The following CDH2 variants were observed in gnomAD, a reference collection of about 807,000 sequenced individuals.
CDH2 encodes the protein cadherin-2.
Under a neutral mutation model 92.0 loss-of-function variants are expected in CDH2, and 17 were observed. The observed-to-expected ratio is 0.18, with a 90% confidence interval of 0.13 to 0.28. The LOEUF is 0.28. CDH2 is among the 10% of genes least tolerant of loss of function. The probability of loss-of-function intolerance (pLI) is 1.00; values close to 1 mark genes in which losing one functional copy is unlikely to be tolerated. For missense variants in CDH2, 862 were observed against 1,133.1 expected (o/e 0.76, Z 3.44); for synonymous variants, 419 against 415.9 (o/e 1.01, Z -0.09).
At chr18:28,158,623 G>A (rs112772443) in intron 1 of CDH2, among the ~76,000 whole-genome samples, 14 of 152,276 alleles carry the variant, frequency 9.2e-5, no homozygotes, top group African/African-American at 2.9e-4. Flanking sequence ...AGTATGGTCC[G>A]AGGAGTGGAC....
At chr18:28,166,404 G>C (rs1187541085) in intron 1 of CDH2, among the ~76,000 whole-genome samples, 2 of 151,764 alleles carry the variant, frequency 1.3e-5, no homozygotes, top group Middle Eastern at 3.4e-3. Context: ...CTCAAATAAA[G>C]AGAAGGATCA....
At chr18:27,972,232 C>A (rs2011683035) in intron 14 of CDH2, among the ~76,000 whole-genome samples, 1 of 152,132 alleles carries the variant, frequency 6.6e-6, no homozygotes, top group East Asian at 1.9e-4. Context: ...AAAATGGGTC[C>A]AATTCTGCAA....
At chr18:27,950,876 A>G (rs575412983), downstream of CDH2, 1 of 152,496 alleles carries the variant, frequency 6.6e-6, no homozygotes, top group South Asian at 2.1e-4. Flanking sequence ...AAGAACAAAT[A>G]CATACTTTTT....
At chr18:28,074,785 G>A (rs1288601653) in intron 2 of CDH2, among the ~76,000 whole-genome samples, 2 of 149,862 alleles carry the variant, frequency 1.3e-5, no homozygotes, top group East Asian at 2.0e-4. Context: ...AAATTATGGG[G>A]TTCAGCCTAA....
chr18:28,045,130 T>C (rs151307624), intron 2 of CDH2, among the ~76,000 whole-genome samples: 1 of 152,200 alleles, frequency 6.6e-6, no homozygotes, highest in Non-Finnish European at 1.5e-5. Flanking sequence ...CCGTTAAGTA[T>C]GATAATCTTA....
Position 28,011,999 on chromosome 18 carries a change from A to G in CDH2, c.400-7T>C, listed in dbSNP as rs200350355. ...CTTCAACTTCTGCTGACTCCTTTAC[A>G]TTAAAATAGAAGACATTCCTGAGTA... is the stretch of plus-strand genomic sequence containing the variant. On this transcript the variant is annotated splice_polypyrimidine_tract_variant and splice_region_variant and intron_variant, in intron 3 of 15. Transcript: ENST00000269141. The G allele has an allele frequency of 1.3e-4, 213 of 1,611,470 alleles. 1 individual carries two copies. In the African/African-American group the frequency reaches 2.2e-3, roughly 16 times the overall value.
intron 2 of CDH2, among the ~76,000 whole-genome samples, chr18:28,077,890 CAAAAAAAAAAAAA>C (rs71171659): frequency 3.0e-5 from 2 of 67,314 alleles, no homozygotes; most frequent in Non-Finnish European, 5.3e-5. Context: ...GACCCTGTCT[CAAAAAAAAAAAAA>C]AAAAAAAAAA....
chr18:28,081,652 C>T (rs900663354), intron 2 of CDH2, among the ~76,000 whole-genome samples: 4 of 152,122 alleles, frequency 2.6e-5, no homozygotes, highest in African/African-American at 4.8e-5. Context: ...TGTAACAATG[C>T]TTGATGGATA....
chr18:28,091,711 T>C (rs1304323044), intron 2 of CDH2, among the ~76,000 whole-genome samples: 1 of 152,212 alleles, frequency 6.6e-6, no homozygotes, highest in African/African-American at 2.4e-5. Flanking sequence ...ATAGGAGTTA[T>C]TTGAAAATGA....
intron 2 of CDH2, among the ~76,000 whole-genome samples, chr18:28,024,980 A>C (rs2144067415): frequency 6.6e-6 from 1 of 152,306 alleles, no homozygotes; most frequent in South Asian, 2.1e-4. Flanking sequence ...TAAATGATAA[A>C]ATTTATATAA....
intron 2 of CDH2, among the ~76,000 whole-genome samples, chr18:28,095,912 A>C (rs1599097422): frequency 6.6e-6 from 1 of 152,260 alleles, no homozygotes; most frequent in East Asian, 1.9e-4. Context: ...CAACACAGAA[A>C]GGGCCTGAAA....
chr18:28,111,995 C>G (rs2015420863), intron 2 of CDH2, among the ~76,000 whole-genome samples: 3 of 152,186 alleles, frequency 2.0e-5, no homozygotes, highest in Admixed American at 6.5e-5. Context: ...ACATATTCTT[C>G]TATCTACAAA....
chr18:28,123,733 A>C (rs1355668023), intron 2 of CDH2, among the ~76,000 whole-genome samples: 1 of 152,122 alleles, frequency 6.6e-6, no homozygotes, highest in African/African-American at 2.4e-5. Context: ...ATCTCACTAA[A>C]TAAAGGGTTC....
chr18:28,012,344 G>C (rs2013124959), intron 3 of CDH2, among the ~76,000 whole-genome samples: 1 of 152,126 alleles, frequency 6.6e-6, no homozygotes, highest in Non-Finnish European at 1.5e-5. Context: ...TTCAGGTAAT[G>C]TGCTACTGTA....
chr18:28,040,786 C>T (rs114534675), intron 2 of CDH2, among the ~76,000 whole-genome samples: 13 of 152,310 alleles, frequency 8.5e-5, no homozygotes, highest in Non-Finnish European at 1.5e-4. Context: ...TGGAGACTCA[C>T]AGTGTAGTGA....
chr18:28,121,755 T>C (rs897815610), intron 2 of CDH2, among the ~76,000 whole-genome samples: 3 of 152,028 alleles, frequency 2.0e-5, no homozygotes, highest in Non-Finnish European at 1.5e-5. Flanking sequence ...CGATAGATGA[T>C]AAAAGTCTGA....
At chr18:28,064,545 G>C (rs973236985) in intron 2 of CDH2, among the ~76,000 whole-genome samples, 1 of 150,878 alleles carries the variant, frequency 6.6e-6, no homozygotes, top group Non-Finnish European at 1.5e-5. Flanking sequence ...GGCAAAATAA[G>C]AAAAAATAAA....
chr18:28,171,702 G>A (rs12605662), intron 1 of CDH2, among the ~76,000 whole-genome samples: 74,004 of 152,002 alleles, frequency 0.49, 19,846 homozygotes, highest in Middle Eastern at 0.73. Flanking sequence ...CACAACCTTC[G>A]AAAAGGAGAT....
At chr18:27,949,432 G>A (rs2143845604), downstream of CDH2, among the ~76,000 whole-genome samples, 1 of 151,686 alleles carries the variant, frequency 6.6e-6, no homozygotes, top group South Asian at 2.1e-4. Context: ...GTTTTTAATA[G>A]CAAAAAAATT....
Sources: allele counts gnomAD v4.1 joint callset (sites outside exome capture counted in the v4.1 genomes callset), GRCh38; gene constraint gnomAD v4.1.1; transcripts MANE v1.5; gene names NCBI Gene and HGNC (gene_info 2026-07-23, HGNC 2026-07-21).